Variants in PCDH15 observed in about 807,000 individuals in gnomAD.
PCDH15 encodes protocadherin related 15, also known as protocadherin-15.
In PCDH15, 129 loss-of-function variants were observed where a neutral mutation model predicts 178.5. The observed-to-expected ratio is 0.72, with a 90% CI of 0.63 to 0.84. The LOEUF is 0.84. Among genes scored for constraint, PCDH15 ranks in the 40% least tolerant of loss-of-function variants. PCDH15 has a pLI of 0.00. For synonymous variants in PCDH15, 800 were observed against 732.0 expected (o/e 1.09, Z -1.50); for missense variants, 2,230 against 2,099.9 (o/e 1.06, Z -1.21).
intron 2 of PCDH15, among the ~76,000 whole-genome samples, chr10:54,649,797 G>A (rs1363867375): frequency 6.6e-6 from 1 of 152,006 alleles, no homozygotes; most frequent in Non-Finnish European, 1.5e-5. Context: ...AATATTTATT[G>A]ACTGATTTTG....
intron 2 of PCDH15, among the ~76,000 whole-genome samples, chr10:54,531,129 A>G (rs989536529): frequency 6.6e-6 from 1 of 152,180 alleles, no homozygotes; most frequent in East Asian, 1.9e-4. Flanking sequence ...CTGCCACAGG[A>G]AAGTCAGGTG....
intron 2 of PCDH15, among the ~76,000 whole-genome samples, chr10:55,429,858 C>A (rs1171777274): frequency 6.6e-6 from 1 of 152,068 alleles, no homozygotes; most frequent in Non-Finnish European, 1.5e-5. Flanking sequence ...ATTTACACAA[C>A]AGTGTAAGTT....
chr10:54,482,044 G>T (rs1320898180), intron 3 of PCDH15, among the ~76,000 whole-genome samples: 2 of 151,826 alleles, frequency 1.3e-5, no homozygotes, highest in African/African-American at 4.8e-5. Context: ...CTGTACTGCT[G>T]AAAGTGTTTT....
intron 2 of PCDH15, among the ~76,000 whole-genome samples, chr10:55,008,434 A>G (rs1839980522): frequency 6.6e-6 from 1 of 152,134 alleles, no homozygotes. Flanking sequence ...TTACTTGTAT[A>G]TGAATTACTT....
intron 2 of PCDH15, among the ~76,000 whole-genome samples, chr10:55,367,726 G>A (rs115783754): frequency 0.012 from 1,879 of 152,242 alleles, 34 homozygotes; most frequent in African/African-American, 0.041. Context: ...CTACAGCTAG[G>A]TGTTTGCCTT....
chr10:53,995,330 A>C, intron 21 of PCDH15: 4 of 370,272 alleles, frequency 1.1e-5, no homozygotes, highest in Non-Finnish European at 2.0e-5. Flanking sequence ...AAAATACATA[A>C]ATTTAAAACA....
At chr10:55,589,561 T>C (rs1842796336) in intron 2 of PCDH15, among the ~76,000 whole-genome samples, 1 of 151,806 alleles carries the variant, frequency 6.6e-6, no homozygotes, top group Non-Finnish European at 1.5e-5. Flanking sequence ...CGCAACCTAC[T>C]CATCTGACAA....
At chr10:53,826,936 G>A in intron 32 of PCDH15, among the ~76,000 whole-genome samples, 1 of 151,878 alleles carries the variant, frequency 6.6e-6, no homozygotes, top group Admixed American at 6.6e-5. Context: ...CAGAGAATTT[G>A]GTTTTGATTA....
At chr10:54,244,924 A>C (rs575547776) in intron 8 of PCDH15, among the ~76,000 whole-genome samples, 2 of 152,328 alleles carry the variant, frequency 1.3e-5, no homozygotes, top group East Asian at 3.9e-4. Flanking sequence ...TAGTCTCATT[A>C]AATTTGGATG....
At chr10:54,109,723 G>T (rs892944777) in intron 15 of PCDH15, among the ~76,000 whole-genome samples, 1 of 152,122 alleles carries the variant, frequency 6.6e-6, no homozygotes, top group East Asian at 1.9e-4. Context: ...GGGAAGTGGG[G>T]ATAGTTAATG....
At chr10:54,586,109 C>T (rs887108782) in intron 2 of PCDH15, among the ~76,000 whole-genome samples, 3 of 152,070 alleles carry the variant, frequency 2.0e-5, no homozygotes, top group African/African-American at 4.8e-5. Context: ...ATTATGTTCA[C>T]CTCTGTAATA....
chr10:55,486,426 C>T (rs1204018296), intron 2 of PCDH15, among the ~76,000 whole-genome samples: 1 of 151,194 alleles, frequency 6.6e-6, no homozygotes, highest in Non-Finnish European at 1.5e-5. Flanking sequence ...ATGCTTCAAA[C>T]CATAGCCATA....
intron 21 of PCDH15, among the ~76,000 whole-genome samples, chr10:53,971,573 A>C (rs2089689897): frequency 6.6e-6 from 1 of 152,220 alleles, no homozygotes; most frequent in Non-Finnish European, 1.5e-5. Context: ...TTAAGCTGAT[A>C]AGCAACTTCA....
intron 1 of PCDH15, among the ~76,000 whole-genome samples, chr10:54,708,103 G>A (rs1565997479): frequency 6.6e-6 from 1 of 152,296 alleles, no homozygotes; most frequent in East Asian, 1.9e-4. Flanking sequence ...CTATATAATT[G>A]TAACATAAAC....
At chr10:54,541,195 T>C (rs1369656903) in intron 2 of PCDH15, among the ~76,000 whole-genome samples, 1 of 152,026 alleles carries the variant, frequency 6.6e-6, no homozygotes, top group Non-Finnish European at 1.5e-5. Flanking sequence ...AAAGAAAATG[T>C]ACCCAAACAC....
At chr10:55,233,005 G>A (rs1841269251) in intron 1 of PCDH15, among the ~76,000 whole-genome samples, 1 of 152,050 alleles carries the variant, frequency 6.6e-6, no homozygotes, top group Non-Finnish European at 1.5e-5. Flanking sequence ...AAACCACTAT[G>A]TTTTGGGACA....
intron 15 of PCDH15, among the ~76,000 whole-genome samples, chr10:54,126,484 C>T (rs2042000394): frequency 6.6e-6 from 1 of 151,946 alleles, no homozygotes; most frequent in African/African-American, 2.4e-5. Flanking sequence ...TAAGATAGTC[C>T]CCATTATTTT....
At chr10:54,066,104 G>A (rs114864953) in intron 18 of PCDH15, among the ~76,000 whole-genome samples, 1,992 of 152,204 alleles carry the variant, frequency 0.013, 43 homozygotes, top group African/African-American at 0.046. Context: ...ACTTCAAATT[G>A]TGCACATCTT....
At chr10:55,350,258 TATATATATATAC>T (rs1223057798) in intron 2 of PCDH15, among the ~76,000 whole-genome samples, 84 of 69,074 alleles carry the variant, frequency 1.2e-3, no homozygotes, top group Non-Finnish European at 1.9e-3. Flanking sequence ...TATATATATA[TATATATATATAC>T]ACACACACAC....
Sources: allele counts gnomAD v4.1 joint callset (sites outside exome capture counted in the v4.1 genomes callset), GRCh38; gene constraint gnomAD v4.1.1; transcripts MANE v1.5; gene names NCBI Gene and HGNC (gene_info 2026-07-23, HGNC 2026-07-21).